The following SERPINI1 variants were observed in gnomAD, a reference collection of about 807,000 sequenced individuals.
The protein encoded by SERPINI1 is neuroserpin.
Under a neutral mutation model 41.1 loss-of-function variants are expected in SERPINI1, and 19 were observed. The observed-to-expected ratio is 0.46, with a 90% CI of 0.32 to 0.68. The LOEUF is 0.68. SERPINI1 is among the 30% of genes least tolerant of loss of function. The pLI is 0.03. For missense variants in SERPINI1, 460 were observed against 479.2 expected, an observed-to-expected ratio of 0.96 and a Z score of 0.37; for synonymous variants, 138 against 156.6, an observed-to-expected ratio of 0.88 and a Z score of 0.89.
At chr3:167,744,417 CCTCTT>C (rs1402818093) in intron 1 of SERPINI1, among the ~76,000 whole-genome samples, 2 of 148,838 alleles carry the variant, frequency 1.3e-5, no homozygotes, top group African/African-American at 5.1e-5. Flanking sequence ...CATTTTAACT[CCTCTT>C]CAAACTGCTA....
chr3:167,787,273 A>G (rs1222474610), intron 1 of SERPINI1, among the ~76,000 whole-genome samples: 1 of 152,184 alleles, frequency 6.6e-6, no homozygotes, highest in Non-Finnish European at 1.5e-5. Flanking sequence ...GCTGTATAAC[A>G]GTTATTTTTT....
chr3:167,743,863 A>G (rs566895226), intron 1 of SERPINI1, among the ~76,000 whole-genome samples: 1 of 152,244 alleles, frequency 6.6e-6, no homozygotes, highest in Middle Eastern at 3.4e-3. Flanking sequence ...GGCTTTAAGG[A>G]AGAATTAGGG....
chr3:167,822,158 C>T (rs547277135), intron 6 of SERPINI1, among the ~76,000 whole-genome samples: 1 of 152,210 alleles, frequency 6.6e-6, no homozygotes, highest in Non-Finnish European at 1.5e-5. Flanking sequence ...AGGGCCTTCC[C>T]TCTGTACCTG....
chr3:167,773,720 T>C lies in SERPINI1; in HGVS notation c.-18-15391T>C, dbSNP rs568373636. ...GTGTGTGGCAGGTTTATAAATAGAA[T>C]TAACAGGCAGGTATTTTCAGATAGC... On this transcript the variant is annotated intron_variant, in intron 1 of 8. Transcript: ENST00000446050. Among the ~76,000 whole-genome samples the C allele has an allele frequency of 2.6e-5, 4 of 152,352 alleles. No homozygotes were observed. In the East Asian group the frequency reaches 7.7e-4, roughly 29 times the overall value.
chr3:167,818,644 A>G (rs577724729), intron 6 of SERPINI1, among the ~76,000 whole-genome samples: 9 of 152,110 alleles, frequency 5.9e-5, no homozygotes, highest in Non-Finnish European at 1.3e-4. Flanking sequence ...AACCCTTAGC[A>G]TCTTTGTTTT....
At chr3:167,776,432 A>G (rs561218891) in intron 1 of SERPINI1, among the ~76,000 whole-genome samples, 29 of 152,350 alleles carry the variant, frequency 1.9e-4, no homozygotes, top group East Asian at 9.6e-4. Context: ...TGCTTTCCCC[A>G]GGCTTTTAAC....
intron 1 of SERPINI1, among the ~76,000 whole-genome samples, chr3:167,774,595 A>G (rs1726900949): frequency 6.6e-6 from 1 of 152,176 alleles, no homozygotes; most frequent in Non-Finnish European, 1.5e-5. Context: ...ATGGTGGGCA[A>G]GCGAGAATTA....
chr3:167,763,749 TG>T (rs1247724360), intron 1 of SERPINI1, among the ~76,000 whole-genome samples: 1 of 152,136 alleles, frequency 6.6e-6, no homozygotes, highest in Non-Finnish European at 1.5e-5. Context: ...AAGAGTTTGG[TG>T]ATGTAACCCC....
chr3:167,798,362 G>A (rs948616396), intron 5 of SERPINI1, among the ~76,000 whole-genome samples: 3 of 152,114 alleles, frequency 2.0e-5, no homozygotes, highest in Admixed American at 6.6e-5. Context: ...TAGATAGGGA[G>A]GCTAAATAGC....
chr3:167,775,107 G>A (rs1726919656), intron 1 of SERPINI1, among the ~76,000 whole-genome samples: 1 of 151,788 alleles, frequency 6.6e-6, no homozygotes, highest in Non-Finnish European at 1.5e-5. Context: ...ATCAAGATAA[G>A]TTTAAAACTG....
In SERPINI1 at chr3:167,790,274, T is replaced by C. The variant is rs13090836; in HGVS notation, c.251-98T>C. Reference sequence around the variant, plus strand: ...GGCACTTTTCCCCCAGGTGCCTGTTTGGTTAATCTCCCTTGCTGTGCTTTA... The same window carrying C: ...GGCACTTTTCCCCCAGGTGCCTGTTCGGTTAATCTCCCTTGCTGTGCTTTA... On this transcript the variant is annotated intron_variant, in intron 2 of 8. Transcript: ENST00000446050. 342,557 of 863,804 alleles carry C rather than the reference T, an allele frequency of 0.4. 71,012 individuals are homozygous for C. The highest frequency in any genetic ancestry group is 0.61 in the African/African-American group (36,228 of 59,874). 53.5% of individuals were successfully genotyped at this position (863,804 alleles called of 1,614,324 possible). A position where few individuals can be genotyped will look rare whatever the true frequency, so the allele number is the denominator to read the frequency against.
At chr3:167,794,959 C>A in intron 5 of SERPINI1, 135 bp downstream of exon 5, 1 of 708,962 alleles carries the variant, frequency 1.4e-6, no homozygotes, top group Non-Finnish European at 2.5e-6. Context: ...TGTTCTTCTC[C>A]TTCTCTTTCT....
intron 1 of SERPINI1, among the ~76,000 whole-genome samples, chr3:167,756,552 C>T (rs1200783345): frequency 1.3e-5 from 2 of 152,164 alleles, no homozygotes; most frequent in Admixed American, 6.5e-5. Context: ...TCAAGTGATC[C>T]ACCCACCTCA....
chr3:167,778,554 A>G (rs1173234060), intron 1 of SERPINI1, among the ~76,000 whole-genome samples: 2 of 152,228 alleles, frequency 1.3e-5, no homozygotes, highest in African/African-American at 4.8e-5. Flanking sequence ...TGAATCACTG[A>G]TCTGGGTGGC....
chr3:167,753,439 A>G (rs955304443), intron 1 of SERPINI1, among the ~76,000 whole-genome samples: 2 of 152,138 alleles, frequency 1.3e-5, no homozygotes, highest in African/African-American at 2.4e-5. Context: ...AAATAAAGAA[A>G]ATATAGGAAG....
chr3:167,739,523 C>T (rs1725600574), intron 1 of SERPINI1, among the ~76,000 whole-genome samples: 1 of 152,194 alleles, frequency 6.6e-6, no homozygotes, highest in Non-Finnish European at 1.5e-5. Context: ...TTTCTAAATT[C>T]ATCTCAGAGA....
intron 5 of SERPINI1, among the ~76,000 whole-genome samples, chr3:167,802,018 A>G (rs1223493724): frequency 1.3e-5 from 2 of 152,144 alleles, no homozygotes; most frequent in African/African-American, 4.8e-5. Context: ...AAAAACAAGC[A>G]ATGGGGAAAG....
chr3:167,818,374 A>G (rs566931702), intron 6 of SERPINI1, among the ~76,000 whole-genome samples: 1 of 152,218 alleles, frequency 6.6e-6, no homozygotes, highest in Admixed American at 6.5e-5. Context: ...AGATATATGT[A>G]TATCTATCAA....
At chr3:167,743,296 C>A (rs999172689) in intron 1 of SERPINI1, among the ~76,000 whole-genome samples, 12 of 152,078 alleles carry the variant, frequency 7.9e-5, no homozygotes, top group Admixed American at 2.0e-4. Context: ...ATATGAACAT[C>A]TATAGAGTGA....
Sources: allele counts gnomAD v4.1 joint callset (sites outside exome capture counted in the v4.1 genomes callset), GRCh38; gene constraint gnomAD v4.1.1; transcripts MANE v1.5; gene names NCBI Gene and HGNC (gene_info 2026-07-23, HGNC 2026-07-21).